The following KCNIP4 variants were observed in gnomAD, a reference collection of about 807,000 sequenced individuals.
The protein encoded by KCNIP4 is Kv channel-interacting protein 4.
KCNIP4 carries 12 observed loss-of-function variants against 34.0 expected under a neutral mutation model. That is an observed-to-expected ratio of 0.35 (90% CI 0.23 to 0.57). The LOEUF (loss-of-function observed/expected upper bound fraction) is 0.57, where lower values mean the gene tolerates loss of function less well. Among genes scored for constraint, KCNIP4 ranks in the 20% least tolerant of loss-of-function variants. KCNIP4 has a pLI of 0.83. For missense variants in KCNIP4, 238 were observed against 311.7 expected (o/e 0.76, Z 1.78); for synonymous variants, 124 against 102.2 (o/e 1.21, Z -1.29).
intron 3 of KCNIP4, among the ~76,000 whole-genome samples, chr4:20,769,918 GGACTCGTGT>G (rs1487316322): frequency 6.6e-6 from 1 of 152,150 alleles, no homozygotes; most frequent in East Asian, 1.9e-4. Context: ...CTTTGGTAAA[GGACTCGTGT>G]GATTAGATCA....
chr4:20,948,651 G>T (rs1021743174), intron 1 of KCNIP4, among the ~76,000 whole-genome samples: 1 of 152,170 alleles, frequency 6.6e-6, no homozygotes, highest in African/African-American at 2.4e-5. Context: ...CAAGGAATGG[G>T]CCAGTATCAT....
intron 3 of KCNIP4, among the ~76,000 whole-genome samples, chr4:20,831,662 A>G (rs1034098801): frequency 6.6e-6 from 1 of 152,226 alleles, no homozygotes; most frequent in Admixed American, 6.5e-5. Flanking sequence ...CCAATAAATC[A>G]GTAACATTTA....
intron 2 of KCNIP4, among the ~76,000 whole-genome samples, chr4:20,855,882 GGGATAAAATTGAGCTGACAA>G (rs1721521730): frequency 6.6e-6 from 1 of 152,132 alleles, no homozygotes; most frequent in Non-Finnish European, 1.5e-5. Context: ...TAAAATTGAT[GGGATAAAATTGAGCTGACAA>G]GGATAAAATT....
chr4:21,612,724 T>A (rs1363069858), intron 1 of KCNIP4, among the ~76,000 whole-genome samples: 1 of 152,182 alleles, frequency 6.6e-6, no homozygotes, highest in Non-Finnish European at 1.5e-5. Flanking sequence ...GCTGATTAAT[T>A]CAGCAAAATC....
rs185639619 is a variant in KCNIP4 at position 21,813,025 on chromosome 4, C to T, written c.61+135546G>A. ...GCCTAGGTCCAGCTTGCCTAGGTGCCCCCAAGAGGCTACATCTTCTAATGG... is the reference window on the plus strand; with the variant it reads ...GCCTAGGTCCAGCTTGCCTAGGTGCTCCCAAGAGGCTACATCTTCTAATGG... On this transcript the variant is annotated intron_variant, in intron 1 of 8. Transcript: ENST00000382152. Among the ~76,000 whole-genome samples the T allele has an allele frequency of 3.4e-4, 52 of 152,236 alleles. No homozygotes were observed. The East Asian group carries it at 4.8e-3, about 14-fold the overall frequency.
chr4:20,840,952 C>T (rs1719644238), intron 3 of KCNIP4, among the ~76,000 whole-genome samples: 1 of 152,142 alleles, frequency 6.6e-6, no homozygotes, highest in South Asian at 2.1e-4. Context: ...GAATAATCTA[C>T]CAGATGGCGA....
chr4:20,833,719 G>C (rs1447244526), intron 3 of KCNIP4, among the ~76,000 whole-genome samples: 1 of 152,066 alleles, frequency 6.6e-6, no homozygotes, highest in Non-Finnish European at 1.5e-5. Flanking sequence ...GAAGGTGCTA[G>C]TTTGTTATCC....
intron 1 of KCNIP4, among the ~76,000 whole-genome samples, chr4:21,236,177 A>G (rs552559486): frequency 4.6e-5 from 7 of 152,252 alleles, no homozygotes; most frequent in African/African-American, 1.7e-4. Flanking sequence ...TTTATCAGTC[A>G]TACTTTAATG....
chr4:21,574,176 A>T (rs1740564703), intron 1 of KCNIP4, among the ~76,000 whole-genome samples: 1 of 152,106 alleles, frequency 6.6e-6, no homozygotes. Context: ...GCATCTTACA[A>T]ATGGTGGTGT....
At chr4:21,337,064 G>C (rs573141355) in intron 1 of KCNIP4, among the ~76,000 whole-genome samples, 1 of 151,502 alleles carries the variant, frequency 6.6e-6, no homozygotes, top group Admixed American at 6.6e-5. Flanking sequence ...AGGTGGGGTC[G>C]TAAAAGAAGA....
intron 1 of KCNIP4, among the ~76,000 whole-genome samples, chr4:21,917,847 G>A (rs980994080): frequency 3.9e-5 from 6 of 152,272 alleles, no homozygotes; most frequent in Admixed American, 6.5e-5. Flanking sequence ...AAAGCAAGAC[G>A]TTCATGGTAG....
At chr4:21,220,579 A>C (rs1560185321) in intron 1 of KCNIP4, among the ~76,000 whole-genome samples, 1 of 151,880 alleles carries the variant, frequency 6.6e-6, no homozygotes, top group African/African-American at 2.4e-5. Context: ...AATAATAATA[A>C]TAAAGAAGTT....
intron 1 of KCNIP4, among the ~76,000 whole-genome samples, chr4:21,506,399 G>A (rs1418407392): frequency 6.6e-6 from 1 of 152,148 alleles, no homozygotes; most frequent in East Asian, 1.9e-4. Context: ...GATTTTTGCA[G>A]GGATTATGTG....
intron 1 of KCNIP4, among the ~76,000 whole-genome samples, chr4:21,438,311 T>C (rs1446247249): frequency 6.6e-6 from 1 of 152,220 alleles, no homozygotes; most frequent in Non-Finnish European, 1.5e-5. Flanking sequence ...TCTGCTGCTG[T>C]TTAATAAATG....
At chr4:21,084,842 C>A (rs1165416553) in intron 1 of KCNIP4, among the ~76,000 whole-genome samples, 2 of 151,272 alleles carry the variant, frequency 1.3e-5, no homozygotes, top group African/African-American at 4.9e-5. Context: ...AAGCCTTATC[C>A]AAATATATGA....
intron 1 of KCNIP4, among the ~76,000 whole-genome samples, chr4:21,867,084 A>T (rs1339177470): frequency 6.6e-6 from 1 of 152,138 alleles, no homozygotes; most frequent in Non-Finnish European, 1.5e-5. Context: ...TCAGCCTGGA[A>T]TTCTAATGCT....
chr4:21,169,177 C>A (rs1454988921), intron 1 of KCNIP4, among the ~76,000 whole-genome samples: 1 of 152,012 alleles, frequency 6.6e-6, no homozygotes, highest in African/African-American at 2.4e-5. Flanking sequence ...GTTGTTGTTG[C>A]TGAGACAGGG....
intron 1 of KCNIP4, among the ~76,000 whole-genome samples, chr4:21,332,533 CTG>C (rs1715760672): frequency 6.6e-6 from 1 of 151,932 alleles, no homozygotes; most frequent in South Asian, 2.1e-4. Flanking sequence ...AATCCCCTCT[CTG>C]TAAATGGCAC....
intron 1 of KCNIP4, among the ~76,000 whole-genome samples, chr4:21,408,118 T>A (rs1364192250): frequency 6.6e-6 from 1 of 152,212 alleles, no homozygotes; most frequent in Admixed American, 6.5e-5. Context: ...ATATTTTTGG[T>A]CCATTTCAAA....
Sources: allele counts gnomAD v4.1 joint callset (sites outside exome capture counted in the v4.1 genomes callset), GRCh38; gene constraint gnomAD v4.1.1; transcripts MANE v1.5; gene names NCBI Gene and HGNC (gene_info 2026-07-23, HGNC 2026-07-21).